LEMD1: variants seen among roughly 807,000 people sequenced by gnomAD.
LEMD1 encodes LEM domain-containing protein 1.
Under a neutral mutation model 17.4 loss-of-function variants are expected in LEMD1, and 18 were observed. The observed-to-expected ratio is 1.04, with a 90% CI of 0.72 to 1.54. The LOEUF (loss-of-function observed/expected upper bound fraction) is 1.54. LEMD1 is among the 40% of genes most tolerant of loss of function. The pLI is 0.00. For synonymous variants in LEMD1, 88 were observed against 77.8 expected (o/e 1.13, Z -0.69); for missense variants, 195 against 210.4 (o/e 0.93, Z 0.45).
rs372357424 is a variant in LEMD1, at chr1:205,448,292, C to T, written c.-39+1576G>A. On this transcript the variant is annotated intron_variant, in intron 1 of 3. Transcript: ENST00000367154. The surrounding 1 kb of genome is among the most constrained non-coding windows in gnomAD (Gnocchi z 4.7). ...CCTGGTCCCATGGGAGGTGCAGCTGCGCAGGAGAAGGAGCTCGCCCCTCAC... is the reference window on the plus strand; with the variant it reads ...CCTGGTCCCATGGGAGGTGCAGCTGTGCAGGAGAAGGAGCTCGCCCCTCAC... The T allele has an allele frequency of 3.8e-5, 20 of 526,546 alleles. No individual in the cohort carries two copies. The highest frequency in any genetic ancestry group is 1.9e-4 in the Admixed American group (10 of 51,336). 32.6% of individuals were successfully genotyped at this position (526,546 alleles called of 1,614,324 possible). A position where few individuals can be genotyped will look rare whatever the true frequency, so the allele number is the denominator to read the frequency against.
chr1:205,400,364 C>A (rs1442541077), intron 4 of LEMD1, among the ~76,000 whole-genome samples: 2 of 152,144 alleles, frequency 1.3e-5, no homozygotes, highest in African/African-American at 2.4e-5. Context: ...GGCCAAGAAG[C>A]CTGACAAACA....
intron 4 of LEMD1, among the ~76,000 whole-genome samples, chr1:205,401,368 G>A (rs1173799073): frequency 6.6e-6 from 1 of 152,172 alleles, no homozygotes; most frequent in Non-Finnish European, 1.5e-5. Flanking sequence ...GTTGTTTTCT[G>A]ACTTTTTAAT....
chr1:205,406,702 C>T (rs11240471), intron 4 of LEMD1, among the ~76,000 whole-genome samples: 46,726 of 151,994 alleles, frequency 0.31, 7,541 homozygotes, highest in African/African-American at 0.38. Flanking sequence ...GCACATGGTG[C>T]GCTGCACCCA....
At position 205,448,745 on chromosome 1, in the gene LEMD1, C is replaced by T. The variant is rs114517101; in HGVS notation, c.-39+1123G>A. On this transcript the variant is annotated intron_variant, in intron 1 of 3. Coordinates refer to the LEMD1 transcript ENST00000367154. This position sits in a 1 kb window ranked among gnomAD's most constrained non-coding sequence, Gnocchi z 4.7. ...CTACCCCTTCCCTAGAGAATAAGGC[C>T]GGATCTTTTCAAGGCTGCTGCTGCC... Among the ~76,000 whole-genome samples, 1,258 of 152,206 alleles carry T rather than the reference C, an allele frequency of 8.3e-3. 15 individuals carry two copies. The highest frequency in any genetic ancestry group is 0.014 in the Non-Finnish European group (968 of 68,000).
intron 1 of LEMD1, among the ~76,000 whole-genome samples, chr1:205,438,844 T>C (rs561145788): frequency 6.6e-5 from 10 of 152,232 alleles, no homozygotes; most frequent in South Asian, 4.1e-4. Context: ...GCTCTCTGGA[T>C]GGGCTCACTG....
At chr1:205,400,414 T>C (rs1017706765) in intron 4 of LEMD1, among the ~76,000 whole-genome samples, 1 of 152,170 alleles carries the variant, frequency 6.6e-6, no homozygotes, top group Non-Finnish European at 1.5e-5. Context: ...TTACTAGCAG[T>C]GGGACACAGT....
At chr1:205,423,135 C>T (rs1257186470), upstream of LEMD1, among the ~76,000 whole-genome samples, 1 of 152,152 alleles carries the variant, frequency 6.6e-6, no homozygotes, top group South Asian at 2.1e-4. Flanking sequence ...TAGTTTCAGT[C>T]CTTTCCAGAT....
At chr1:205,449,958 C>G (rs1425154625), upstream of LEMD1, 1 of 152,884 alleles carries the variant, frequency 6.5e-6, no homozygotes, top group Admixed American at 6.5e-5. Context: ...GCCACTCACT[C>G]CTCCACTCAC....
At chr1:205,438,421 G>A (rs1183155083) in intron 1 of LEMD1, among the ~76,000 whole-genome samples, 2 of 152,226 alleles carry the variant, frequency 1.3e-5, no homozygotes, top group Non-Finnish European at 2.9e-5. Flanking sequence ...AGCCTGGCCC[G>A]AAGTCAGAGG....
chr1:205,449,564 C>G (rs1431301937), intron 1 of LEMD1, among the ~76,000 whole-genome samples: 1 of 152,170 alleles, frequency 6.6e-6, no homozygotes, highest in African/African-American at 2.4e-5. Context: ...TCCTGCATTC[C>G]CCAACAACAG....
intron 4 of LEMD1, among the ~76,000 whole-genome samples, chr1:205,404,250 G>C (rs954324415): frequency 4.6e-5 from 7 of 151,870 alleles, no homozygotes; most frequent in African/African-American, 1.5e-4. Context: ...CAATTCCTGG[G>C]TATCCTTGTT....
At chr1:205,442,574 G>A (rs777696611) in intron 1 of LEMD1, among the ~76,000 whole-genome samples, 9 of 152,124 alleles carry the variant, frequency 5.9e-5, no homozygotes, top group African/African-American at 1.9e-4. Context: ...TCAGCGTCCC[G>A]GTAATACAGC....
intron 4 of LEMD1, among the ~76,000 whole-genome samples, chr1:205,400,850 C>CT (rs1451200057): frequency 1.7e-5 from 2 of 116,894 alleles, no homozygotes; most frequent in African/African-American, 5.9e-5. Flanking sequence ...CCCTCCCCCC[C>CT]CCCACCCCAC....
chr1:205,390,889 G>T (rs1664297546), intron 4 of LEMD1, among the ~76,000 whole-genome samples: 1 of 152,120 alleles, frequency 6.6e-6, no homozygotes, highest in Non-Finnish European at 1.5e-5. Context: ...GGAACACAAA[G>T]ATGGGAACAA....
intron 1 of LEMD1, chr1:205,436,602 G>A (rs1436743434): frequency 6.6e-6 from 1 of 152,100 alleles, no homozygotes; most frequent in African/African-American, 2.4e-5. Context: ...TTGGGAGCAG[G>A]GTGATGATGG....
upstream of LEMD1, among the ~76,000 whole-genome samples, chr1:205,425,614 T>C (rs765615747): frequency 9.2e-5 from 14 of 152,054 alleles, no homozygotes; most frequent in Non-Finnish European, 1.8e-4. Flanking sequence ...GTGAGCCCAG[T>C]AGACTCCACT....
chr1:205,387,734 C>A (rs1459283602), intron 4 of LEMD1, among the ~76,000 whole-genome samples: 2 of 152,194 alleles, frequency 1.3e-5, no homozygotes, highest in Non-Finnish European at 2.9e-5. Flanking sequence ...CTTTGCTATA[C>A]CTCGGCATTC....
chr1:205,420,331 T>A, intron 2 of LEMD1, 124 bp downstream of exon 2: 2 of 724,336 alleles, frequency 2.8e-6, no homozygotes, highest in Non-Finnish European at 4.7e-6. Context: ...CTCTTTGTGG[T>A]TTTCTGTTTT....
chr1:205,391,659 C>G (rs890611314), intron 4 of LEMD1, among the ~76,000 whole-genome samples: 13 of 152,228 alleles, frequency 8.5e-5, no homozygotes, highest in Non-Finnish European at 1.8e-4. Flanking sequence ...CTCCCAGCAG[C>G]CCAGGAGTAA....
Sources: gnomAD v4.1 joint callset for allele counts (sites outside exome capture counted in the v4.1 genomes callset) on GRCh38, gnomAD v4.1.1 for gene constraint, Gnocchi (gnomAD v3.1) non-coding constraint, MANE v1.5 for transcripts, NCBI Gene and HGNC (gene_info 2026-07-23, HGNC 2026-07-21) for gene names.